RAB38: variants seen among roughly 807,000 people sequenced by gnomAD.
RAB38 encodes the protein RAB38, member RAS oncogene family.
In RAB38, 15 loss-of-function variants were observed where a neutral mutation model predicts 18.4. The observed-to-expected ratio is 0.82, with a 90% CI of 0.55 to 1.26. RAB38 has a LOEUF of 1.26. RAB38 is among the 50% of genes most tolerant of loss of function. The pLI is 0.00. For synonymous variants in RAB38, 101 were observed against 104.4 expected, an observed-to-expected ratio of 0.97 and a Z score of 0.20; for missense variants, 294 against 267.4, an observed-to-expected ratio of 1.10 and a Z score of -0.69.
chr11:88,033,805 G>T, the RAB38 span, among the ~76,000 whole-genome samples: 1 of 139,624 alleles, frequency 7.2e-6, no homozygotes, highest in African/African-American at 2.7e-5. Context: ...TCAGCTGACT[G>T]CAAGCTCCGC....
At chr11:88,114,378 T>C (rs1004005014) in intron 2 of RAB38, among the ~76,000 whole-genome samples, 8 of 152,228 alleles carry the variant, frequency 5.3e-5, no homozygotes, top group Non-Finnish European at 1.5e-5. Context: ...TAAATGTACT[T>C]AGTAGGTTAA....
the RAB38 span, among the ~76,000 whole-genome samples, chr11:87,818,076 G>A: frequency 1.1e-4 from 17 of 152,278 alleles, no homozygotes; most frequent in African/African-American, 4.1e-4. Flanking sequence ...CTTTGCATTT[G>A]TCAGAATCAC....
chr11:88,069,654 T>G, the RAB38 span, among the ~76,000 whole-genome samples: 1 of 151,976 alleles, frequency 6.6e-6, no homozygotes, highest in Non-Finnish European at 1.5e-5. Flanking sequence ...CTTGGAGAAC[T>G]TTTATGTCTA....
At chr11:88,037,706 C>T in the RAB38 span, among the ~76,000 whole-genome samples, 51 of 152,202 alleles carry the variant, frequency 3.4e-4, no homozygotes, top group African/African-American at 1.2e-3. Context: ...TTTGTGTCTG[C>T]CTTCTTTCAC....
chr11:88,083,879 A>G, the RAB38 span, among the ~76,000 whole-genome samples: 1 of 151,964 alleles, frequency 6.6e-6, no homozygotes, highest in Admixed American at 6.6e-5. Flanking sequence ...GTGAGAAATG[A>G]ACTTCTATTA....
chr11:88,091,507 A>G, the RAB38 span, among the ~76,000 whole-genome samples: 1 of 151,892 alleles, frequency 6.6e-6, no homozygotes, highest in East Asian at 1.9e-4. Context: ...CCATCTCTCC[A>G]TCTCGCCATC....
the RAB38 span, among the ~76,000 whole-genome samples, chr11:87,915,833 G>A: frequency 6.6e-6 from 1 of 152,128 alleles, no homozygotes; most frequent in Non-Finnish European, 1.5e-5. Flanking sequence ...ACAAAGCCAT[G>A]AGGTGGGACT....
chr11:87,947,902 C>T, the RAB38 span, among the ~76,000 whole-genome samples: 2 of 152,098 alleles, frequency 1.3e-5, no homozygotes, highest in Admixed American at 1.3e-4. Context: ...CATATGAACT[C>T]TAAAGTAGTT....
At chr11:88,034,836 A>T in the RAB38 span, among the ~76,000 whole-genome samples, 1 of 152,184 alleles carries the variant, frequency 6.6e-6, no homozygotes, top group South Asian at 2.1e-4. Flanking sequence ...GTTGAGTTTA[A>T]ATTTACATTT....
chr11:87,872,199 A>G, the RAB38 span, among the ~76,000 whole-genome samples: 1 of 151,532 alleles, frequency 6.6e-6, no homozygotes, highest in Admixed American at 6.6e-5. Flanking sequence ...ATACATTATC[A>G]TATGCATATT....
chr11:88,108,097 T>C, the RAB38 span, among the ~76,000 whole-genome samples: 2 of 152,208 alleles, frequency 1.3e-5, no homozygotes, highest in African/African-American at 4.8e-5. Context: ...GTATATACTA[T>C]TGATTTGGGG....
At chr11:88,055,557 A>G in the RAB38 span, among the ~76,000 whole-genome samples, 1 of 152,216 alleles carries the variant, frequency 6.6e-6, no homozygotes, top group Admixed American at 6.5e-5. Flanking sequence ...TTCTATCTGC[A>G]AAGTGTAGAG....
At chr11:87,928,981 C>T in the RAB38 span, among the ~76,000 whole-genome samples, 21 of 151,836 alleles carry the variant, frequency 1.4e-4, no homozygotes, top group Non-Finnish European at 2.7e-4. Flanking sequence ...TGTGTGTGGT[C>T]GTGTATACCT....
chr11:88,081,864 A>G, the RAB38 span, among the ~76,000 whole-genome samples: 7 of 151,898 alleles, frequency 4.6e-5, no homozygotes, highest in Admixed American at 4.6e-4. Context: ...AAAGCCCAAT[A>G]TCCTTCAACT....
chr11:87,976,798 T>C, the RAB38 span, among the ~76,000 whole-genome samples: 1 of 116,516 alleles, frequency 8.6e-6, no homozygotes, highest in Non-Finnish European at 1.6e-5. Flanking sequence ...TAATATATAC[T>C]TATAATATAT....
intron 1 of RAB38, among the ~76,000 whole-genome samples, chr11:88,161,178 C>T (rs1565220532): frequency 6.6e-6 from 1 of 152,032 alleles, no homozygotes; most frequent in Non-Finnish European, 1.5e-5. Context: ...ACTCTTGTCG[C>T]TTCCTTCAAA....
the RAB38 span, among the ~76,000 whole-genome samples, chr11:87,845,885 A>T: frequency 6.6e-6 from 1 of 152,146 alleles, no homozygotes; most frequent in African/African-American, 2.4e-5. Flanking sequence ...TAAAGTACCG[A>T]AAGTCAAAAA....
the RAB38 span, among the ~76,000 whole-genome samples, chr11:87,898,538 CAT>C: frequency 6.6e-6 from 1 of 151,678 alleles, no homozygotes; most frequent in Non-Finnish European, 1.5e-5. Flanking sequence ...TGGTTTTGTT[CAT>C]CATTGTATTC....
the RAB38 span, among the ~76,000 whole-genome samples, chr11:87,973,639 T>G: frequency 3.5e-5 from 5 of 142,744 alleles, no homozygotes; most frequent in South Asian, 2.5e-4. Context: ...AGCTGCAGTG[T>G]GGAGGGTACT....
Sources: gnomAD v4.1 joint callset for allele counts (sites outside exome capture counted in the v4.1 genomes callset) on GRCh38, gnomAD v4.1.1 for gene constraint, MANE v1.5 for transcripts, NCBI Gene and HGNC (gene_info 2026-07-23, HGNC 2026-07-21) for gene names.